Variants in TENM3 observed in about 807,000 individuals in gnomAD.
TENM3 encodes the protein teneurin transmembrane protein 3.
A neutral mutation model predicts 255.1 loss-of-function variants in TENM3; 63 were observed. The ratio of observed to expected loss-of-function variants is 0.25; its 90% confidence interval spans 0.20 to 0.30. The LOEUF is 0.30. Among genes scored for constraint, TENM3 ranks in the 10% least tolerant of loss-of-function variants. The pLI is 1.00. For missense variants in TENM3, 2,929 were observed against 3,461.1 expected, an observed-to-expected ratio of 0.85 and a Z score of 3.86; for synonymous variants, 1,306 against 1,322.3, an observed-to-expected ratio of 0.99 and a Z score of 0.27.
chr4:182,354,181 T>G lies in TENM3; in HGVS notation c.511+7252T>G, dbSNP rs534095635. 4.6e-5 allele frequency among the ~76,000 whole-genome samples: 7 copies of G among 152,326 alleles called. No homozygotes were observed. In the East Asian group the frequency reaches 1.4e-3, roughly 29 times the overall value. ...AATTGCCATTTCTATTAAGCTCGAT[T>G]TGTGTTCTAAGTGTTTTTGTTAAAG... On this transcript the variant is annotated intron_variant, in intron 3 of 27. Transcript: ENST00000511685.
chr4:182,129,298 A>G, the TENM3 span, among the ~76,000 whole-genome samples: 3 of 152,208 alleles, frequency 2.0e-5, no homozygotes, highest in South Asian at 2.1e-4. Context: ...ATGGAAATCT[A>G]TATCTCATAA....
chr4:182,468,167 G>T (rs1047785537), intron 3 of TENM3, among the ~76,000 whole-genome samples: 1 of 152,140 alleles, frequency 6.6e-6, no homozygotes, highest in Non-Finnish European at 1.5e-5. Flanking sequence ...TGGGAGGATC[G>T]CTTGAGCCCA....
chr4:181,760,999 C>CACACACATACACACACACAT, the TENM3 span, among the ~76,000 whole-genome samples: 1 of 145,524 alleles, frequency 6.9e-6, no homozygotes, highest in East Asian at 2.0e-4. Flanking sequence ...CACACACACA[C>CACACACATACACACACACAT]ACACACACAC....
At chr4:182,689,411 T>C (rs967879296) in intron 12 of TENM3, among the ~76,000 whole-genome samples, 4 of 152,202 alleles carry the variant, frequency 2.6e-5, no homozygotes, top group African/African-American at 9.6e-5. Flanking sequence ...GTCTTATAAA[T>C]TGTCACAAGT....
At chr4:181,828,228 G>A in the TENM3 span, among the ~76,000 whole-genome samples, 1 of 152,190 alleles carries the variant, frequency 6.6e-6, no homozygotes, top group Admixed American at 6.5e-5. Context: ...TTACTGCCAA[G>A]GTTGCCGTCT....
At chr4:182,420,336 T>C (rs1352595305) in intron 3 of TENM3, among the ~76,000 whole-genome samples, 1 of 152,208 alleles carries the variant, frequency 6.6e-6, no homozygotes, top group Non-Finnish European at 1.5e-5. Flanking sequence ...TTTCAGCTAC[T>C]GTCACTCTGA....
At chr4:181,797,626 A>C in the TENM3 span, among the ~76,000 whole-genome samples, 3 of 152,268 alleles carry the variant, frequency 2.0e-5, no homozygotes, top group Admixed American at 2.0e-4. Context: ...TGGCAGAAGG[A>C]CTTGAGCCCA....
chr4:182,569,376 A>G (rs183122082), intron 3 of TENM3, among the ~76,000 whole-genome samples: 27 of 152,146 alleles, frequency 1.8e-4, no homozygotes, highest in African/African-American at 5.8e-4. Flanking sequence ...CCAACGTGGT[A>G]AACCCTGTCT....
intron 3 of TENM3, among the ~76,000 whole-genome samples, chr4:182,590,018 C>T (rs1265199492): frequency 3.9e-5 from 6 of 152,006 alleles, no homozygotes; most frequent in South Asian, 2.1e-4. Context: ...TTGCTTCTGC[C>T]GGGTGCCTCA....
At chr4:181,454,584 C>T in the TENM3 span, among the ~76,000 whole-genome samples, 147 of 130,402 alleles carry the variant, frequency 1.1e-3, no homozygotes, top group East Asian at 4.7e-3. Context: ...AAGTGCCTTA[C>T]GCAGACGTAC....
At chr4:182,188,177 G>A (rs952526247) in intron 1 of TENM3, among the ~76,000 whole-genome samples, 2 of 152,064 alleles carry the variant, frequency 1.3e-5, no homozygotes, top group African/African-American at 4.8e-5. Context: ...CTTTGTTATA[G>A]TATTTGAAAA....
At chr4:182,025,696 T>C in the TENM3 span, among the ~76,000 whole-genome samples, 1 of 152,202 alleles carries the variant, frequency 6.6e-6, no homozygotes, top group Non-Finnish European at 1.5e-5. Flanking sequence ...TTATTGCCTG[T>C]CTTTTGGATA....
rs539042463 is a variant in TENM3 at position 182,508,566 on chromosome 4, A to G, written c.512-92358A>G. On this transcript the variant is annotated intron_variant, in intron 3 of 27. Transcript: ENST00000511685. ...AATGATATACTCTTAGATATCACAT[A>G]GGTGAGTAATAAATGATAGAATGGG... Among the ~76,000 whole-genome samples, 228 of 152,358 alleles carry G rather than the reference A, an allele frequency of 1.5e-3. 1 individual carries two copies. The highest frequency in any genetic ancestry group is 5.3e-3 in the African/African-American group (219 of 41,592).
the TENM3 span, among the ~76,000 whole-genome samples, chr4:181,722,201 A>G: frequency 6.6e-6 from 1 of 152,236 alleles, no homozygotes; most frequent in African/African-American, 2.4e-5. Context: ...GGATCAGGGC[A>G]TAATGGAATC....
intron 3 of TENM3, among the ~76,000 whole-genome samples, chr4:182,471,524 A>C (rs927091914): frequency 1.3e-5 from 2 of 152,178 alleles, no homozygotes; most frequent in African/African-American, 4.8e-5. Flanking sequence ...GTATTGGTGT[A>C]TCTAAGCAGA....
the TENM3 span, among the ~76,000 whole-genome samples, chr4:181,626,637 A>T: frequency 4.3e-4 from 66 of 152,220 alleles, 1 homozygote; most frequent in East Asian, 0.013. Context: ...GAACTCACTC[A>T]TTACCATGGG....
intron 1 of TENM3, among the ~76,000 whole-genome samples, chr4:182,151,583 T>G (rs1041258854): frequency 5.3e-5 from 8 of 152,000 alleles, no homozygotes; most frequent in East Asian, 1.9e-4. Context: ...CTTTCAGAAT[T>G]TATAATAACT....
intron 1 of TENM3, among the ~76,000 whole-genome samples, chr4:182,244,915 ATCTTGCATT>A (rs1305172682): frequency 6.6e-6 from 1 of 152,254 alleles, no homozygotes; most frequent in Non-Finnish European, 1.5e-5. Context: ...ATTAATGAGA[ATCTTGCATT>A]TCTTCACAAA....
At position 182,673,053 on chromosome 4, in the gene TENM3, A is replaced by G; in HGVS notation, c.1160A>G (p.Glu387Gly). 1 of 1,607,686 alleles carries G rather than the reference A, an allele frequency of 6.2e-7. No individual in the cohort carries two copies. Among genetic ancestry groups the G allele is most frequent in the Non-Finnish European group, 8.5e-7 (1 of 1,176,470 alleles). Residue 387 changes from glutamate (E) to glycine (G), a missense_variant, in exon 7 of 28, where the codon GAA (glutamate) becomes GGA (glycine). Coordinates refer to ENST00000511685, the MANE Select transcript of TENM3 (RefSeq NM_001080477.4). ...GAAAATAACACCATAGATTCCGGAG[A>G]ACTTGATATTGGCCGAAGAGCAATT... ...TQENNTIDSG[E>G]LDIGRRAIQE...
Sources: allele counts gnomAD v4.1 joint callset (sites outside exome capture counted in the v4.1 genomes callset), GRCh38; gene constraint gnomAD v4.1.1; transcripts MANE v1.5; gene names NCBI Gene and HGNC (gene_info 2026-07-23, HGNC 2026-07-21).